Variants in ANO10 observed in about 807,000 individuals in gnomAD.
ANO10 encodes anoctamin 10.
In ANO10, 77 loss-of-function variants were observed where a neutral mutation model predicts 74.7. The observed-to-expected ratio is 1.03, with a 90% CI of 0.86 to 1.25. ANO10 has a LOEUF of 1.25. ANO10 is among the 50% of genes most tolerant of loss of function. ANO10 has a pLI of 0.00. For synonymous variants in ANO10, 279 were observed against 284.9 expected (o/e 0.98, Z 0.21); for missense variants, 721 against 778.1 (o/e 0.93, Z 0.87).
At chr3:43,595,448 G>A (rs1465048064) in intron 4 of ANO10, among the ~76,000 whole-genome samples, 2 of 152,188 alleles carry the variant, frequency 1.3e-5, no homozygotes, top group East Asian at 1.9e-4. Flanking sequence ...GGGATGCAAG[G>A]ATGGTTCAAC....
chr3:43,441,715 A>G (rs1199903853), intron 11 of ANO10, among the ~76,000 whole-genome samples: 1 of 152,178 alleles, frequency 6.6e-6, no homozygotes, highest in African/African-American at 2.4e-5. Context: ...AAAGAAAACT[A>G]TAGTCCAATA....
chr3:43,690,684 A>G (rs1042243381), intron 1 of ANO10: 22 of 365,806 alleles, frequency 6.0e-5, no homozygotes, highest in Non-Finnish European at 1.1e-4. Flanking sequence ...CATTATTCAA[A>G]TTAGCTAAAA....
chr3:43,557,932 C>T (rs2079838154), intron 9 of ANO10, among the ~76,000 whole-genome samples: 1 of 150,958 alleles, frequency 6.6e-6, no homozygotes, highest in Non-Finnish European at 1.5e-5. Context: ...CAGTGAGAGC[C>T]CATCTCTACA....
intron 12 of ANO10, among the ~76,000 whole-genome samples, chr3:43,367,682 G>A (rs892523536): frequency 3.3e-5 from 5 of 152,090 alleles, no homozygotes; most frequent in Non-Finnish European, 5.9e-5. Context: ...AGCGGCGTAG[G>A]GGACAGTTCT....
intron 11 of ANO10, among the ~76,000 whole-genome samples, chr3:43,534,463 A>C (rs1284021798): frequency 6.6e-6 from 1 of 151,760 alleles, no homozygotes; most frequent in Non-Finnish European, 1.5e-5. Context: ...TGTGCATGTG[A>C]ACGTGCGCGC....
chr3:43,556,462 A>T (rs1168320115), intron 9 of ANO10, among the ~76,000 whole-genome samples: 1 of 150,510 alleles, frequency 6.6e-6, no homozygotes, highest in African/African-American at 2.4e-5. Context: ...GTTTCCCCAC[A>T]CTCTGTGTTT....
chr3:43,661,112 C>T (rs2083920519), intron 1 of ANO10, among the ~76,000 whole-genome samples: 1 of 152,020 alleles, frequency 6.6e-6, no homozygotes, highest in Non-Finnish European at 1.5e-5. Flanking sequence ...TCAGATTCAC[C>T]AAGGTTGAAA....
At chr3:43,641,433 C>T (rs551901640) in intron 1 of ANO10, among the ~76,000 whole-genome samples, 166 of 152,300 alleles carry the variant, frequency 1.1e-3, no homozygotes, top group Non-Finnish European at 2.2e-3. Flanking sequence ...TACAAAGCTA[C>T]ATAGCAAGTT....
chr3:43,381,042 C>T (rs2091947076), intron 12 of ANO10, among the ~76,000 whole-genome samples: 2 of 152,040 alleles, frequency 1.3e-5, no homozygotes, highest in South Asian at 4.1e-4. Flanking sequence ...GGGTACAAGC[C>T]CCTTATAAAA....
At chr3:43,382,393 C>T (rs1172255542) in intron 12 of ANO10, among the ~76,000 whole-genome samples, 1 of 151,852 alleles carries the variant, frequency 6.6e-6, no homozygotes, top group African/African-American at 2.4e-5. Flanking sequence ...GTAGCGGGCG[C>T]CTGTAGTCCC....
At chr3:43,663,318 A>C (rs921098990) in intron 1 of ANO10, among the ~76,000 whole-genome samples, 1 of 152,238 alleles carries the variant, frequency 6.6e-6, no homozygotes, top group Non-Finnish European at 1.5e-5. Flanking sequence ...GATGCAGAAA[A>C]GGCCTTCAAC....
intron 11 of ANO10, among the ~76,000 whole-genome samples, chr3:43,477,623 C>T (rs575974915): frequency 6.6e-6 from 1 of 152,196 alleles, no homozygotes; most frequent in Non-Finnish European, 1.5e-5. Context: ...TAATACTGTA[C>T]TTGTGGTAAG....
At chr3:43,438,722 G>A (rs11713382) in intron 11 of ANO10, among the ~76,000 whole-genome samples, 28,212 of 151,646 alleles carry the variant, frequency 0.19, 3,161 homozygotes, top group Middle Eastern at 0.36. Flanking sequence ...AATCCAGCCT[G>A]GGCAACAAGA....
At chr3:43,396,750 G>T (rs1172887812) in intron 12 of ANO10, among the ~76,000 whole-genome samples, 1 of 151,880 alleles carries the variant, frequency 6.6e-6, no homozygotes, top group Non-Finnish European at 1.5e-5. Flanking sequence ...AGCTCACATA[G>T]CTCAGGAGCT....
intron 5 of ANO10, 79 bp from the exon 6 acceptor site, chr3:43,577,340 T>G: frequency 7.1e-7 from 1 of 1,406,744 alleles, no homozygotes; most frequent in Non-Finnish European, 9.9e-7. Flanking sequence ...GCTTATTCAT[T>G]TTTTAGTTAA....
At chr3:43,502,014 T>C (rs751937307) in intron 11 of ANO10, among the ~76,000 whole-genome samples, 5 of 152,094 alleles carry the variant, frequency 3.3e-5, no homozygotes, top group Admixed American at 6.5e-5. Flanking sequence ...AAATAACAAG[T>C]GTTGGTGAGA....
intron 11 of ANO10, among the ~76,000 whole-genome samples, chr3:43,513,116 T>C (rs1431074769): frequency 6.6e-6 from 1 of 152,060 alleles, no homozygotes; most frequent in Non-Finnish European, 1.5e-5. Flanking sequence ...CCAGCACACG[T>C]ATGTGAGGAA....
chr3:43,576,804 G>A lies in ANO10; in HGVS notation c.1050C>T (p.Ser350=), dbSNP rs143141504. The A allele has an allele frequency of 2.4e-5, 39 of 1,614,140 alleles. No homozygotes were observed. Among genetic ancestry groups the A allele is most frequent in the African/African-American group, 5.3e-5 (4 of 75,034 alleles). The change falls in exon 6 of 13, where the codon AGC becomes AGT. Residue 350 remains serine, a synonymous_variant. Coordinates refer to ENST00000292246, the MANE Select transcript of ANO10 (RefSeq NM_018075.5). ...EVWALGLHEN[S]GSEWTSVLLY... is the part of the protein sequence containing the mutation. ...ACAGGACACTGGTCCACTCAGACCCGCTGTTCTCATGTAGACCCAAGGCCC... is the reference window on the plus strand; with the variant it reads ...ACAGGACACTGGTCCACTCAGACCCACTGTTCTCATGTAGACCCAAGGCCC...
chr3:43,482,130 G>A (rs889229160), intron 11 of ANO10, among the ~76,000 whole-genome samples: 4 of 151,696 alleles, frequency 2.6e-5, no homozygotes, highest in East Asian at 1.9e-4. Context: ...GGGTTTCGCC[G>A]TGTTAGCCAG....
Sources: allele counts gnomAD v4.1 joint callset (sites outside exome capture counted in the v4.1 genomes callset), GRCh38; gene constraint gnomAD v4.1.1; transcripts MANE v1.5; gene names NCBI Gene and HGNC (gene_info 2026-07-23, HGNC 2026-07-21).